Variants in AKAP9 observed in about 807,000 individuals in gnomAD.
The protein encoded by AKAP9 is A-kinase anchoring protein 9.
Under a neutral mutation model 488.5 loss-of-function variants are expected in AKAP9, and 311 were observed. The ratio of observed to expected loss-of-function variants is 0.64; its 90% confidence interval spans 0.58 to 0.70. The LOEUF (loss-of-function observed/expected upper bound fraction) is 0.70, where lower values mean the gene tolerates loss of function less well. Ranked by LOEUF, AKAP9 falls within the 30% of genes least tolerant of loss-of-function variation. AKAP9 has a pLI of 0.00. For missense variants in AKAP9, 4,215 were observed against 4,374.5 expected (o/e 0.96, Z 1.03); for synonymous variants, 1,462 against 1,483.5 (o/e 0.99, Z 0.33).
chr7:92,110,227 G>A lies in AKAP9; in HGVS notation c.*68G>A. 1 of 1,291,232 alleles carries A rather than the reference G, an allele frequency of 7.7e-7. No individual in the cohort carries two copies. The highest frequency in any genetic ancestry group is 2.4e-5 in the East Asian group (1 of 42,008). The allele number at this position is 1,291,232 out of a possible 1,614,324, so 80.0% of individuals were successfully genotyped here. A position where few individuals can be genotyped will look rare whatever the true frequency, so the allele number is the denominator to read the frequency against. On this transcript the variant is annotated 3_prime_UTR_variant, in exon 50 of 50. Coordinates refer to ENST00000356239, the MANE Select transcript of AKAP9 (RefSeq NM_005751.5). ...CCTTTTGTAAATCAATGGTTCTTTT[G>A]TGCTTTTGTATTGTGAATATTCAAT...
chr7:92,070,528 G>A (rs909125065), intron 27 of AKAP9, among the ~76,000 whole-genome samples: 6 of 151,868 alleles, frequency 4.0e-5, no homozygotes, highest in African/African-American at 9.7e-5. Flanking sequence ...TCCACCTCCC[G>A]AGTTCAAGCG....
At chr7:92,086,117 G>A (rs777840285) in intron 36 of AKAP9, 111 bp from the exon 37 acceptor site, 5 of 896,996 alleles carry the variant, frequency 5.6e-6, no homozygotes, top group Admixed American at 5.3e-5. Flanking sequence ...AATAAAAGAA[G>A]TACACATGCT....
rs34086871 is a variant in AKAP9 at position 92,038,599 on chromosome 7, G to C, written c.4519G>C (p.Asp1507His). ...TGGTTTTCAGACTTTTGAGACAGTG[G>C]ATGTGAAATTTAAAGAAGAATTTAA... is the stretch of plus-strand genomic sequence containing the variant. ...QIGFQTFETV[D>H]VKFKEEFKPL... is the part of the protein sequence containing the mutation. The change falls in exon 17 of 50, where the codon GAT (aspartate) becomes CAT (histidine). Residue 1507 changes from aspartate to histidine, a missense_variant. Asp to His is a moderately conservative substitution (Grantham distance 81). Transcript: ENST00000356239. The C allele has an allele frequency of 4.4e-4, 704 of 1,613,820 alleles. 4 individuals carry two copies. The African/African-American group carries it at 8.3e-3, about 19-fold the overall frequency.
rs767028838 is a variant in AKAP9 at position 91,973,661 on chromosome 7, AATAAAGAAAAATT to A, written c.49-47_49-35del. On this transcript the variant is annotated intron_variant, in intron 1 of 49. Coordinates refer to ENST00000356239, the MANE Select transcript of AKAP9 (RefSeq NM_005751.5). ...CCAAAGCTGCTTTTTTCTTGGTGGC[AATAAAGAAAAATT>A]ATCTTTGACAATAACGGTTATTTTC... 222 of 1,586,656 alleles carry A rather than the reference AATAAAGAAAAATT, an allele frequency of 1.4e-4. No individual in the cohort carries two copies. The African/African-American group carries it at 2.4e-3, about 17-fold the overall frequency.
chr7:91,996,910 A>G (rs1210003895), intron 7 of AKAP9, among the ~76,000 whole-genome samples: 3 of 152,210 alleles, frequency 2.0e-5, no homozygotes, highest in African/African-American at 2.4e-5. Context: ...TCATTGAATC[A>G]TCACCATAGG....
intron 1 of AKAP9, among the ~76,000 whole-genome samples, chr7:91,969,752 A>G (rs1794827934): frequency 6.6e-6 from 1 of 152,138 alleles, no homozygotes. Context: ...GTCCAGTTGC[A>G]CGGAATATCC....
At chr7:91,981,795 G>A (rs1285618733) in intron 3 of AKAP9, among the ~76,000 whole-genome samples, 3 of 151,724 alleles carry the variant, frequency 2.0e-5, no homozygotes, top group Non-Finnish European at 2.9e-5. Flanking sequence ...TAGTAGAGAC[G>A]GGGTTTCACC....
intron 40 of AKAP9, among the ~76,000 whole-genome samples, chr7:92,096,379 C>T (rs1441511973): frequency 4.1e-5 from 6 of 147,002 alleles, no homozygotes; most frequent in South Asian, 2.1e-4. Context: ...CTGTTGCTCA[C>T]GCTGGAGGGC....
chr7:92,005,974 G>A (rs778706145), intron 8 of AKAP9, among the ~76,000 whole-genome samples: 6 of 151,788 alleles, frequency 4.0e-5, no homozygotes, highest in Non-Finnish European at 7.4e-5. Flanking sequence ...TGGCCAAATT[G>A]CTTAACTGTT....
chr7:92,041,755 C>T (rs1230021304), intron 18 of AKAP9: 1 of 295,148 alleles, frequency 3.4e-6, no homozygotes, highest in Non-Finnish European at 6.4e-6. Context: ...ATTAACTTTG[C>T]TTTTCTTCAT....
At position 92,079,186 on chromosome 7, in the gene AKAP9, G is replaced by A; in HGVS notation, c.7053G>A (p.Gln2351=). 6.2e-7 allele frequency: 1 copy of A among 1,613,966 alleles called. No homozygotes were observed. The highest frequency in any genetic ancestry group is 8.5e-7 in the Non-Finnish European group (1 of 1,179,964). The change falls in exon 31 of 50, where the codon CAG becomes CAA. Residue 2351 remains glutamine, a synonymous_variant. Transcript: ENST00000356239. Reference sequence around the variant, plus strand: ...GAAATAGAGAAGAAGAAATAGAGCAGCTCAATGAAGTGATTGAAAAACTTC... The same window carrying A: ...GAAATAGAGAAGAAGAAATAGAGCAACTCAATGAAGTGATTGAAAAACTTC... ...VKRNREEEIE[Q]LNEVIEKLQQ...
At chr7:92,086,847 T>C (rs1390181401) in intron 37 of AKAP9, among the ~76,000 whole-genome samples, 2 of 152,198 alleles carry the variant, frequency 1.3e-5, no homozygotes, top group Non-Finnish European at 2.9e-5. Flanking sequence ...ATTTACTATA[T>C]ATTATTGATT....
At position 92,012,575 on chromosome 7, in the gene AKAP9, G is replaced by A; in HGVS notation, c.3465G>A (p.Glu1155=). 1 of 1,613,638 alleles carries A rather than the reference G, an allele frequency of 6.2e-7. No homozygotes were observed. ...AAGAAGAGCTTATTTTTGCTCAAGA[G>A]GAAAAGATCAAGGAACTTCAGAAAA... is the stretch of plus-strand genomic sequence containing the variant. ...SLKEELIFAQ[E]EKIKELQKIH... is the part of the protein sequence containing the mutation. The change falls in exon 9 of 50, where the codon GAG becomes GAA. Residue 1155 remains glutamate (E), a synonymous_variant. Transcript: ENST00000356239.
In AKAP9 at chr7:92,002,740, C is replaced by T; in HGVS notation, c.2823C>T (p.Leu941=). The T allele has an allele frequency of 1.9e-6, 3 of 1,613,570 alleles. No homozygotes were observed. Among genetic ancestry groups the T allele is most frequent in the Non-Finnish European group, 2.5e-6 (3 of 1,179,696 alleles). The change falls in exon 8 of 50, where the codon CTC becomes CTT. Residue 941 remains leucine, a synonymous_variant. Transcript: ENST00000356239. ...GEVVEKDTTE[L]MEKLEVTKRE... ...TTGTTGAAAAGGATACAACAGAACT[C>T]ATGGAAAAACTTGAGGTAACCAAGC...
chr7:91,984,763 G>A (rs942055493), intron 3 of AKAP9, among the ~76,000 whole-genome samples: 3 of 152,170 alleles, frequency 2.0e-5, no homozygotes, highest in Admixed American at 2.0e-4. Context: ...CTATCCATGA[G>A]CATGGAATGC....
In AKAP9 at chr7:92,038,475, T is replaced by C. The variant is rs1006198028; in HGVS notation, c.4395T>C (p.Ser1465=). 9 of 1,613,826 alleles carry C rather than the reference T, an allele frequency of 5.6e-6. No individual in the cohort carries two copies. Among genetic ancestry groups the C allele is most frequent in the Non-Finnish European group, 7.6e-6 (9 of 1,179,920 alleles). Residue 1465 remains serine, a synonymous_variant, in exon 17 of 50, where the codon TCT becomes TCC. Coordinates refer to ENST00000356239, the MANE Select transcript of AKAP9 (RefSeq NM_005751.5). The part of the protein sequence containing the change: ...FAQQTELSRI[S]GGKENTASSK... The stretch of plus-strand genomic sequence containing the variant: ...AACAAACTGAACTGTCTAGAATATC[T>C]GGGGGAAAAGAAAATACTGCATCAT...
Position 92,065,380 on chromosome 7 carries a change from GA to G in AKAP9, c.6134del (p.Asn2045IlefsTer4), listed in dbSNP as rs1233697991. On this transcript the variant is annotated frameshift_variant, in exon 25 of 50. Transcript: ENST00000356239. LOFTEE classifies it high-confidence loss of function. Reference protein sequence around the residue: ...QVSRFIELEQEKNTELMDLRQ... With the variant: ...QVSRFIELEQXKNTELMDLRQ... ...CAGTAGGTTTATAGAGCTGGAACAAGAAAAAAATACTGAACTAATGGATTTA... is the reference window on the plus strand; with the variant it reads ...CAGTAGGTTTATAGAGCTGGAACAAGAAAAAATACTGAACTAATGGATTTA... 1.2e-6 allele frequency: 2 copies of G among 1,612,696 alleles called. No homozygotes were observed. Among genetic ancestry groups the G allele is most frequent in the African/African-American group, 1.3e-5 (1 of 74,940 alleles).
chr7:92,064,072 A>C (rs1361514554), intron 24 of AKAP9, among the ~76,000 whole-genome samples: 1 of 152,138 alleles, frequency 6.6e-6, no homozygotes, highest in Non-Finnish European at 1.5e-5. Flanking sequence ...ATAAGCCACC[A>C]TACCCAGCCA....
At chr7:92,099,908 T>A (rs1481426281) in intron 44 of AKAP9, 39 bp downstream of exon 44, 4 of 1,582,372 alleles carry the variant, frequency 2.5e-6, no homozygotes, top group Non-Finnish European at 3.5e-6. Flanking sequence ...TGAGAATTAG[T>A]GCATGCTTAT....
Sources: gnomAD v4.1 joint callset for allele counts (sites outside exome capture counted in the v4.1 genomes callset) on GRCh38, gnomAD v4.1.1 for gene constraint, MANE v1.5 for transcripts, NCBI Gene and HGNC (gene_info 2026-07-23, HGNC 2026-07-21) for gene names.